The following IP6K1 variants were observed in gnomAD, a reference collection of about 807,000 sequenced individuals.
IP6K1 encodes the protein inositol hexakisphosphate kinase 1.
In IP6K1, 13 loss-of-function variants were observed where a neutral mutation model predicts 38.3. The observed-to-expected ratio is 0.34, with a 90% confidence interval of 0.22 to 0.54. The LOEUF (loss-of-function observed/expected upper bound fraction) is 0.54. IP6K1 is among the 20% of genes least tolerant of loss of function. The pLI, the probability that IP6K1 is intolerant of heterozygous loss-of-function variation, is 0.92. For synonymous variants in IP6K1, 212 were observed against 229.9 expected (o/e 0.92, Z 0.70); for missense variants, 397 against 599.8 (o/e 0.66, Z 3.53).
At chr3:49,785,831 A>C (rs1029686923) in intron 1 of IP6K1, 8 of 152,230 alleles carry the variant, frequency 5.3e-5, no homozygotes, top group African/African-American at 1.9e-4. Context: ...GAGGTTCCGA[A>C]CGGGTCTCAG....
At chr3:49,737,317 A>G (rs1267555199) in intron 3 of IP6K1, among the ~76,000 whole-genome samples, 1 of 152,084 alleles carries the variant, frequency 6.6e-6, no homozygotes, top group African/African-American at 2.4e-5. Context: ...TCTTGTCAAC[A>G]CTTTTATTGT....
chr3:49,766,132 C>T (rs1227473969), intron 1 of IP6K1, among the ~76,000 whole-genome samples: 1 of 152,058 alleles, frequency 6.6e-6, no homozygotes, highest in Non-Finnish European at 1.5e-5. Context: ...GCCGAGATTG[C>T]ACCACTGCAC....
chr3:49,773,980 A>AAC (rs10575617), intron 1 of IP6K1, among the ~76,000 whole-genome samples: 9,893 of 142,172 alleles, frequency 0.07, 472 homozygotes, highest in African/African-American at 0.14. Context: ...CTCTCTCTAA[A>AAC]ACACACACAC....
At chr3:49,770,495 G>A (rs2080947555) in intron 1 of IP6K1, among the ~76,000 whole-genome samples, 1 of 152,058 alleles carries the variant, frequency 6.6e-6, no homozygotes, top group Non-Finnish European at 1.5e-5. Flanking sequence ...CAGCACTTTG[G>A]GAGGCCAAGG....
intron 1 of IP6K1, among the ~76,000 whole-genome samples, chr3:49,752,536 T>C (rs1328686101): frequency 3.3e-5 from 5 of 150,994 alleles, no homozygotes; most frequent in Admixed American, 2.0e-4. Context: ...TGTGTGTGTG[T>C]GTGTGTGTGA....
intron 3 of IP6K1, among the ~76,000 whole-genome samples, chr3:49,736,195 C>T (rs924206718): frequency 1.3e-5 from 2 of 152,272 alleles, no homozygotes; most frequent in African/African-American, 4.8e-5. Context: ...GGATTACAGG[C>T]GTGAGACACC....
chr3:49,772,133 C>CCAAGGTGGGTT lies in IP6K1; in HGVS notation c.-129+14210_-129+14220dup, dbSNP rs781482989. On this transcript the variant is annotated intron_variant, in intron 1 of 5. Transcript: ENST00000321599. ...GCTGAGGTGGGAAGATCCCTTGAGCCCAAGGTGGGTTCAAGGTGGCAGTGA... is the reference window on the plus strand; with the variant it reads ...GCTGAGGTGGGAAGATCCCTTGAGCCCAAGGTGGGTTCAAGGTGGGTTCAAGGTGGCAGTGA... Among the ~76,000 whole-genome samples the CCAAGGTGGGTT allele has an allele frequency of 1.8e-3, 271 of 150,958 alleles. 1 individual carries two copies. The highest frequency in any genetic ancestry group is 3.5e-3 in the Non-Finnish European group (239 of 67,818).
chr3:49,771,951 C>T (rs1418784166), intron 1 of IP6K1, among the ~76,000 whole-genome samples: 1 of 152,134 alleles, frequency 6.6e-6, no homozygotes, highest in African/African-American at 2.4e-5. Context: ...TGGTGGCTCA[C>T]ACCTGTAATC....
At chr3:49,736,513 T>C (rs958438201) in intron 3 of IP6K1, among the ~76,000 whole-genome samples, 2 of 152,064 alleles carry the variant, frequency 1.3e-5, no homozygotes, top group African/African-American at 4.8e-5. Context: ...TAACATAATG[T>C]TTTCATGATT....
intron 1 of IP6K1, among the ~76,000 whole-genome samples, chr3:49,771,974 G>A (rs1407517687): frequency 3.3e-5 from 5 of 152,068 alleles, no homozygotes; most frequent in African/African-American, 4.8e-5. Context: ...AACACTTTGC[G>A]AGGCCAAAGA....
intron 2 of IP6K1, among the ~76,000 whole-genome samples, chr3:49,740,842 G>GTTTTTTC (rs1263334713): frequency 1.3e-5 from 2 of 148,956 alleles, no homozygotes; most frequent in South Asian, 4.2e-4. Context: ...TTGAATCCCT[G>GTTTTTTC]TTTTTTCTTT....
At chr3:49,751,464 CTTTTT>C (rs538104106) in intron 1 of IP6K1, among the ~76,000 whole-genome samples, 1 of 148,874 alleles carries the variant, frequency 6.7e-6, no homozygotes, top group African/African-American at 2.5e-5. Flanking sequence ...CCAACCCTGA[CTTTTT>C]TTTTTATCAA....
chr3:49,752,033 T>C, intron 1 of IP6K1, among the ~76,000 whole-genome samples: 1 of 152,124 alleles, frequency 6.6e-6, no homozygotes, highest in East Asian at 1.9e-4. Flanking sequence ...TTTTTAGAGT[T>C]GGGGGTCTGT....
intron 1 of IP6K1, among the ~76,000 whole-genome samples, chr3:49,753,827 G>A (rs1261330652): frequency 2.6e-5 from 4 of 152,040 alleles, no homozygotes; most frequent in Non-Finnish European, 4.4e-5. Flanking sequence ...GACAGAATTC[G>A]AAGTCAGCAA....
In IP6K1 at chr3:49,727,209, G is replaced by A. The variant is rs773601248; in HGVS notation, c.1239C>T (p.Thr413=). The A allele has an allele frequency of 7.4e-6, 12 of 1,614,122 alleles. No homozygotes were observed. In the East Asian group the frequency reaches 8.9e-5, roughly 12 times the overall value. ...STFKGFRDDP[T]VHDGPDRGYV... ...AGCCTCTGTCTGGCCCATCATGCAC[G>A]GTGGGGTCATCCCGGAAGCCCTTGA... Residue 413 remains threonine, a synonymous_variant, in exon 6 of 6, where the codon ACC becomes ACT. Transcript: ENST00000321599. The surrounding 1 kb of genome is among the most constrained non-coding windows in gnomAD (Gnocchi z 5.9).
intron 1 of IP6K1, among the ~76,000 whole-genome samples, chr3:49,773,980 AACACACACACAC>A (rs10575617): frequency 1.5e-4 from 21 of 142,176 alleles, no homozygotes; most frequent in African/African-American, 2.1e-4. Context: ...CTCTCTCTAA[AACACACACACAC>A]ACACACACAC....
At chr3:49,772,286 A>T (rs1307385267) in intron 1 of IP6K1, among the ~76,000 whole-genome samples, 1 of 147,764 alleles carries the variant, frequency 6.8e-6, no homozygotes, top group Non-Finnish European at 1.5e-5. Flanking sequence ...TATATGTTAT[A>T]TAGTCTTCCT....
At chr3:49,781,573 T>G (rs2081066038) in intron 1 of IP6K1, among the ~76,000 whole-genome samples, 1 of 152,168 alleles carries the variant, frequency 6.6e-6, no homozygotes, top group Non-Finnish European at 1.5e-5. Flanking sequence ...GTCACTGGAT[T>G]CAGCCATGAG....
chr3:49,726,719 A>C lies in IP6K1; in HGVS notation c.*403T>G. The C allele has an allele frequency of 4.0e-6, 1 of 250,804 alleles. No homozygotes were observed. The highest frequency in any genetic ancestry group is 7.5e-6 in the Non-Finnish European group (1 of 132,836). 15.5% of individuals were successfully genotyped at this position (250,804 alleles called of 1,614,324 possible). Reference sequence around the variant, plus strand: ...CCCTCTACTTCTGGGGAACAAGGGAAGAGTGGGCGTGGAGGGGCCCTGCAC... The same window carrying C: ...CCCTCTACTTCTGGGGAACAAGGGACGAGTGGGCGTGGAGGGGCCCTGCAC... On this transcript the variant is annotated 3_prime_UTR_variant, in exon 6 of 6. Coordinates refer to ENST00000321599, the MANE Select transcript of IP6K1 (RefSeq NM_153273.4).
Sources: allele counts gnomAD v4.1 joint callset (sites outside exome capture counted in the v4.1 genomes callset), GRCh38; gene constraint gnomAD v4.1.1; non-coding constraint Gnocchi (gnomAD v3.1); transcripts MANE v1.5; gene names NCBI Gene and HGNC (gene_info 2026-07-23, HGNC 2026-07-21).